DAB1: variants seen among roughly 807,000 people sequenced by gnomAD.
DAB1 encodes disabled homolog 1.
In DAB1, 15 loss-of-function variants were observed where a neutral mutation model predicts 64.6. The ratio of observed to expected loss-of-function variants is 0.23; its 90% CI spans 0.16 to 0.36. The LOEUF (loss-of-function observed/expected upper bound fraction) is 0.36, where lower values mean the gene tolerates loss of function less well. DAB1 is among the 10% of genes least tolerant of loss of function. DAB1 has a pLI of 1.00. For missense variants in DAB1, 596 were observed against 706.7 expected, an observed-to-expected ratio of 0.84 and a Z score of 1.78; for synonymous variants, 235 against 251.9, an observed-to-expected ratio of 0.93 and a Z score of 0.64.
chr1:57,890,717 C>T (rs536216473), intron 5 of DAB1, among the ~76,000 whole-genome samples: 6 of 152,290 alleles, frequency 3.9e-5, no homozygotes, highest in South Asian at 4.1e-4. Context: ...TCTGGGATTA[C>T]AGGCATGAGT....
At chr1:57,439,476 T>G (rs555766185) in intron 7 of DAB1, among the ~76,000 whole-genome samples, 18 of 144,030 alleles carry the variant, frequency 1.2e-4, no homozygotes, top group Admixed American at 1.2e-3. Flanking sequence ...TAGCCCAGGC[T>G]GGAGTGCAGT....
chr1:57,421,917 C>CG (rs200226853), intron 1 of DAB1, among the ~76,000 whole-genome samples: 995 of 6,790 alleles, frequency 0.15, 59 homozygotes, highest in African/African-American at 0.3. Flanking sequence ...GGGGGGGTGG[C>CG]GGGGGGGGGT....
chr1:57,234,848 T>C (rs1388812833), intron 2 of DAB1, among the ~76,000 whole-genome samples: 2 of 152,252 alleles, frequency 1.3e-5, no homozygotes, highest in Non-Finnish European at 2.9e-5. Context: ...TTGCTGACTA[T>C]GTGCTGGGGG....
Position 57,394,574 on chromosome 1 carries a change from T to G in DAB1, c.-137+29356A>C, listed in dbSNP as rs75227054. Reference sequence around the variant, plus strand: ...TCGCACAGAAGGAAATGCTTCTGAATGAACCTTCTCTGCAGATGCCCCTGG... The same window carrying G: ...TCGCACAGAAGGAAATGCTTCTGAAGGAACCTTCTCTGCAGATGCCCCTGG... On this transcript the variant is annotated intron_variant, in intron 1 of 14. Coordinates refer to ENST00000371236, the MANE Select transcript of DAB1 (RefSeq NM_001365792.1). Among the ~76,000 whole-genome samples the G allele has an allele frequency of 6.0e-3, 908 of 152,362 alleles. 11 individuals are homozygous for G. Among genetic ancestry groups the G allele is most frequent in the African/African-American group, 0.021 (858 of 41,584 alleles).
At chr1:58,219,899 G>A (rs961969649) in intron 4 of DAB1, among the ~76,000 whole-genome samples, 3 of 152,220 alleles carry the variant, frequency 2.0e-5, no homozygotes, top group Non-Finnish European at 4.4e-5. Context: ...GTGTCTATCT[G>A]TGCTTACAAT....
chr1:58,350,913 T>C (rs775147091), intron 3 of DAB1, among the ~76,000 whole-genome samples: 66 of 152,220 alleles, frequency 4.3e-4, no homozygotes, highest in Non-Finnish European at 7.9e-4. Context: ...TTTGTCCTTT[T>C]TGCTTAGGTT....
chr1:56,997,955 C>T lies in DAB1; in HGVS notation c.*189G>A, dbSNP rs558502518. ...TTGGTTGCCAAAAATGCTTAGTTCC[C>T]TCTTCTGAGCGAGTTCCATTGGGCA... On this transcript the variant is annotated 3_prime_UTR_variant, in exon 15 of 15. Transcript: ENST00000371236. 6.6e-6 allele frequency: 1 copy of T among 152,660 alleles called. No individual in the cohort carries two copies. Among genetic ancestry groups the T allele is most frequent in the South Asian group, 2.1e-4 (1 of 4,816 alleles). The allele number at this position is 152,660 out of a possible 1,614,324, so 9.5% of individuals were successfully genotyped here.
chr1:57,151,001 A>T (rs1009000543), intron 2 of DAB1, among the ~76,000 whole-genome samples: 4 of 152,108 alleles, frequency 2.6e-5, no homozygotes, highest in South Asian at 2.1e-4. Context: ...AAAGAAATTT[A>T]AAAAACCCTG....
At chr1:57,964,427 G>T (rs2027586) in intron 5 of DAB1, among the ~76,000 whole-genome samples, 1 of 152,098 alleles carries the variant, frequency 6.6e-6, no homozygotes, top group Non-Finnish European at 1.5e-5. Flanking sequence ...ACTATTGATT[G>T]CTTCACAGCT....
intron 6 of DAB1, among the ~76,000 whole-genome samples, chr1:57,664,325 T>C (rs978124072): frequency 3.9e-5 from 6 of 152,328 alleles, no homozygotes; most frequent in Admixed American, 3.9e-4. Flanking sequence ...GGAATAAAGA[T>C]ATATTAATAT....
At chr1:57,543,146 C>T (rs975488335) in intron 7 of DAB1, among the ~76,000 whole-genome samples, 2 of 152,166 alleles carry the variant, frequency 1.3e-5, no homozygotes, top group African/African-American at 4.8e-5. Context: ...TCCTGACCCT[C>T]AGGAATCGTG....
At chr1:57,544,283 T>G (rs1049407366) in intron 7 of DAB1, among the ~76,000 whole-genome samples, 33 of 152,230 alleles carry the variant, frequency 2.2e-4, no homozygotes, top group African/African-American at 7.2e-4. Context: ...TATGGCATCC[T>G]ATTTTCATAA....
intron 4 of DAB1, among the ~76,000 whole-genome samples, chr1:58,317,861 G>A (rs1375116403): frequency 6.6e-6 from 1 of 152,182 alleles, no homozygotes; most frequent in Non-Finnish European, 1.5e-5. Context: ...GCATACCCCT[G>A]TATCCTGGCA....
At chr1:57,308,891 C>G (rs1674423428) in intron 1 of DAB1, among the ~76,000 whole-genome samples, 1 of 152,026 alleles carries the variant, frequency 6.6e-6, no homozygotes, top group South Asian at 2.1e-4. Context: ...GGCTTCTAGT[C>G]TAGGGCTTTA....
intron 4 of DAB1, among the ~76,000 whole-genome samples, chr1:58,155,906 T>G (rs893686607): frequency 3.3e-5 from 5 of 152,232 alleles, no homozygotes; most frequent in Non-Finnish European, 7.3e-5. Flanking sequence ...AATTTGAGAA[T>G]GAATACAATG....
intron 7 of DAB1, among the ~76,000 whole-genome samples, chr1:57,623,469 A>C (rs1177879190): frequency 6.6e-6 from 1 of 152,208 alleles, no homozygotes; most frequent in Non-Finnish European, 1.5e-5. Context: ...TAACATGAGC[A>C]CTGTGTGGAG....
chr1:57,893,514 G>C (rs961076957), intron 5 of DAB1, among the ~76,000 whole-genome samples: 1 of 152,182 alleles, frequency 6.6e-6, no homozygotes, highest in African/African-American at 2.4e-5. Context: ...GGCAGCCCTG[G>C]TCCCTGCCCT....
At chr1:58,257,610 G>C (rs1660962042) in intron 4 of DAB1, among the ~76,000 whole-genome samples, 1 of 152,208 alleles carries the variant, frequency 6.6e-6, no homozygotes, top group Non-Finnish European at 1.5e-5. Context: ...ATAAACCTTA[G>C]GTTGCACCTC....
intron 3 of DAB1, among the ~76,000 whole-genome samples, chr1:58,500,888 T>A (rs1645896072): frequency 6.6e-6 from 1 of 152,204 alleles, no homozygotes. Flanking sequence ...ATTCATATTT[T>A]ATAACAATCT....
Sources: allele counts gnomAD v4.1 joint callset (sites outside exome capture counted in the v4.1 genomes callset), GRCh38; gene constraint gnomAD v4.1.1; transcripts MANE v1.5; gene names NCBI Gene and HGNC (gene_info 2026-07-23, HGNC 2026-07-21).